The following SCAI variants were observed in gnomAD, a reference collection of about 807,000 sequenced individuals.
SCAI encodes the protein protein SCAI.
A neutral mutation model predicts 92.2 loss-of-function variants in SCAI; 24 were observed. The ratio of observed to expected loss-of-function variants is 0.26; its 90% CI spans 0.19 to 0.37. The LOEUF (loss-of-function observed/expected upper bound fraction) is 0.37, where lower values mean the gene tolerates loss of function less well. Ranked by LOEUF, SCAI falls within the 10% of genes least tolerant of loss-of-function variation. SCAI has a pLI of 1.00. For synonymous variants in SCAI, 261 were observed against 258.6 expected (o/e 1.01, Z -0.09); for missense variants, 450 against 736.2 (o/e 0.61, Z 4.50).
At position 125,040,624 on chromosome 9, in the gene SCAI, G is replaced by GTTTA. The variant is rs200459992; in HGVS notation, c.231-10889_231-10886dup. 6.1e-3 allele frequency among the ~76,000 whole-genome samples: 852 copies of GTTTA among 140,258 alleles called. 8 individuals are homozygous for GTTTA. The highest frequency in any genetic ancestry group is 0.023 in the African/African-American group (795 of 34,844). The allele number at this position is 140,258 out of a possible 152,430, so 92.0% of individuals were successfully genotyped here. Reference sequence around the variant, plus strand: ...ATTCTTTCTACTTTTTCCCTGTTTTGTTTATTTATTTATTTATTTAGAGAC... The same window carrying GTTTA: ...ATTCTTTCTACTTTTTCCCTGTTTTGTTTATTTATTTATTTATTTATTTAGAGAC... On this transcript the variant is annotated intron_variant, in intron 3 of 17. Transcript: ENST00000336505.
chr9:125,117,551 A>G (rs1835071748), intron 2 of SCAI, among the ~76,000 whole-genome samples: 1 of 151,322 alleles, frequency 6.6e-6, no homozygotes, highest in African/African-American at 2.4e-5. Flanking sequence ...CTGTAGTCCC[A>G]GCTACTCAGG....
chr9:125,135,041 A>G (rs1210436789), intron 2 of SCAI, among the ~76,000 whole-genome samples: 1 of 152,154 alleles, frequency 6.6e-6, no homozygotes, highest in Non-Finnish European at 1.5e-5. Flanking sequence ...ATAGTATCAC[A>G]TTATTTTGGA....
chr9:125,104,662 G>A (rs1195186429), intron 2 of SCAI, among the ~76,000 whole-genome samples: 4 of 150,850 alleles, frequency 2.7e-5, no homozygotes, highest in Admixed American at 6.6e-5. Context: ...CCAGCACTTT[G>A]GGAGGGTGAG....
intron 3 of SCAI, among the ~76,000 whole-genome samples, chr9:125,043,675 C>T (rs1285379804): frequency 1.3e-5 from 2 of 152,160 alleles, no homozygotes. Context: ...AGCTGGAGTA[C>T]AGTGGTGCGA....
intron 3 of SCAI, among the ~76,000 whole-genome samples, chr9:125,051,888 G>A (rs1292338193): frequency 6.6e-6 from 1 of 152,012 alleles, no homozygotes; most frequent in African/African-American, 2.4e-5. Context: ...GGCCAACATG[G>A]TGAAATCCCG....
At chr9:124,982,420 G>A (rs145724550) in intron 14 of SCAI, among the ~76,000 whole-genome samples, 1,544 of 152,052 alleles carry the variant, frequency 0.01, 15 homozygotes, top group Non-Finnish European at 0.018. Flanking sequence ...GTCTGTAATC[G>A]CAGCATTTTG....
chr9:125,033,539 T>C (rs1001031900), intron 3 of SCAI, among the ~76,000 whole-genome samples: 1 of 152,202 alleles, frequency 6.6e-6, no homozygotes. Context: ...TTCAAGAGCA[T>C]AAAGTCTTTC....
chr9:125,071,211 A>G (rs1037206196), intron 2 of SCAI, among the ~76,000 whole-genome samples: 1 of 152,142 alleles, frequency 6.6e-6, no homozygotes, highest in Non-Finnish European at 1.5e-5. Context: ...CTAATGTACT[A>G]TCACAAGACT....
chr9:125,015,906 C>G (rs981543031), intron 9 of SCAI, among the ~76,000 whole-genome samples: 140 of 151,660 alleles, frequency 9.2e-4, no homozygotes, highest in African/African-American at 3.3e-3. Flanking sequence ...TGGAAATCAT[C>G]ATTCTCAGTA....
At chr9:125,016,933 G>A (rs577565269) in intron 9 of SCAI, among the ~76,000 whole-genome samples, 7 of 152,092 alleles carry the variant, frequency 4.6e-5, no homozygotes, top group African/African-American at 7.2e-5. Context: ...CTGGCATAGC[G>A]TAGATACTAA....
chr9:125,016,776 T>C (rs1416473475), intron 9 of SCAI, among the ~76,000 whole-genome samples: 1 of 151,830 alleles, frequency 6.6e-6, no homozygotes, highest in Non-Finnish European at 1.5e-5. Context: ...ATATCATAGA[T>C]CTAAATATGA....
At chr9:125,045,709 G>GA (rs1342719413) in intron 3 of SCAI, among the ~76,000 whole-genome samples, 1 of 152,174 alleles carries the variant, frequency 6.6e-6, no homozygotes, top group Non-Finnish European at 1.5e-5. Context: ...AAACTTCTCG[G>GA]AAGTAGCACT....
intron 2 of SCAI, among the ~76,000 whole-genome samples, chr9:125,129,908 T>TC (rs1488112287): frequency 1.8e-4 from 28 of 152,132 alleles, no homozygotes; most frequent in Non-Finnish European, 3.8e-4. Flanking sequence ...TCTTTTCTTT[T>TC]TTTTTGTTGA....
At chr9:125,020,423 G>C (rs919306307) in intron 7 of SCAI, among the ~76,000 whole-genome samples, 5 of 152,110 alleles carry the variant, frequency 3.3e-5, no homozygotes, top group African/African-American at 4.8e-5. Flanking sequence ...CCACTGATGG[G>C]CTTTGAAATG....
chr9:125,057,617 G>T (rs1315186543), intron 2 of SCAI, among the ~76,000 whole-genome samples: 2 of 152,162 alleles, frequency 1.3e-5, no homozygotes, highest in Non-Finnish European at 2.9e-5. Flanking sequence ...TATAAGCTAC[G>T]TGAGGAGGCC....
At chr9:125,114,056 T>A (rs1015116820) in intron 2 of SCAI, among the ~76,000 whole-genome samples, 1 of 152,212 alleles carries the variant, frequency 6.6e-6, no homozygotes, top group African/African-American at 2.4e-5. Flanking sequence ...AACTGTGTGC[T>A]CAGGTGCCTT....
Position 125,092,061 on chromosome 9 carries a change from C to A in SCAI, c.99-36054G>T, listed in dbSNP as rs28465536. Among the ~76,000 whole-genome samples the A allele has an allele frequency of 4.3e-5, 6 of 139,854 alleles. No individual in the cohort carries two copies. The Admixed American group carries it at 4.7e-4, about 11-fold the overall frequency. 91.7% of individuals were successfully genotyped at this position (139,854 alleles called of 152,430 possible). Reference sequence around the variant, plus strand: ...AGGAGAATGGCGTGAACCCAGGAGGCGGAGCTTGCAGTGAGCTGAGATCAC... The same window carrying A: ...AGGAGAATGGCGTGAACCCAGGAGGAGGAGCTTGCAGTGAGCTGAGATCAC... On this transcript the variant is annotated intron_variant, in intron 2 of 17. Transcript: ENST00000336505.
chr9:125,012,360 A>T (rs550854840), intron 9 of SCAI, among the ~76,000 whole-genome samples: 1 of 152,080 alleles, frequency 6.6e-6, no homozygotes, highest in East Asian at 1.9e-4. Flanking sequence ...ATGGAAAACA[A>T]AAAAAGGCAG....
chr9:125,011,409 G>A (rs146954040), intron 9 of SCAI, among the ~76,000 whole-genome samples: 1,890 of 146,124 alleles, frequency 0.013, 94 homozygotes, highest in Admixed American at 0.086. Context: ...GAGCCAATGC[G>A]ATCAACTGGA....
Sources: allele counts gnomAD v4.1 joint callset (sites outside exome capture counted in the v4.1 genomes callset), GRCh38; gene constraint gnomAD v4.1.1; transcripts MANE v1.5; gene names NCBI Gene and HGNC (gene_info 2026-07-23, HGNC 2026-07-21).